Variants in PBX3 observed in about 807,000 individuals in gnomAD.
PBX3 encodes the protein PBX homeobox 3.
Under a neutral mutation model 48.5 loss-of-function variants are expected in PBX3, and 14 were observed. The observed-to-expected ratio is 0.29, with a 90% CI of 0.19 to 0.45. PBX3 has a LOEUF of 0.45. Ranked by LOEUF, PBX3 falls within the 20% of genes least tolerant of loss-of-function variation. The probability of loss-of-function intolerance (pLI) is 1.00; values close to 1 mark genes in which losing one functional copy is unlikely to be tolerated. For missense variants in PBX3, 386 were observed against 546.7 expected (o/e 0.71, Z 2.93); for synonymous variants, 210 against 200.3 (o/e 1.05, Z -0.41).
At chr9:125,772,021 G>T (rs1836952544) in intron 2 of PBX3, among the ~76,000 whole-genome samples, 1 of 152,146 alleles carries the variant, frequency 6.6e-6, no homozygotes, top group African/African-American at 2.4e-5. Context: ...GAGGTAGGTA[G>T]GTGGTAGATA....
At position 125,850,044 on chromosome 9, in the gene PBX3, T is replaced by G. The variant is rs537983365; in HGVS notation, c.275-65642T>G. Among the ~76,000 whole-genome samples, 11 of 152,174 alleles carry G rather than the reference T, an allele frequency of 7.2e-5. No individual in the cohort carries two copies. In the East Asian group the frequency reaches 1.9e-3, roughly 27 times the overall value. ...GGCTTTTCAAGTCATTAACTCACTT[T>G]TTAAAAAGTCCTTAAATATATATTT... is the stretch of plus-strand genomic sequence containing the variant. On this transcript the variant is annotated intron_variant, in intron 2 of 8. Coordinates refer to ENST00000373489, the MANE Select transcript of PBX3 (RefSeq NM_006195.6).
intron 2 of PBX3, among the ~76,000 whole-genome samples, chr9:125,840,650 T>C (rs1839264940): frequency 6.6e-6 from 1 of 152,042 alleles, no homozygotes; most frequent in Non-Finnish European, 1.5e-5. Context: ...TCTATATCTT[T>C]CTATATCAAG....
At chr9:125,910,196 T>C (rs1027354533) in intron 2 of PBX3, among the ~76,000 whole-genome samples, 2 of 152,174 alleles carry the variant, frequency 1.3e-5, no homozygotes, top group Non-Finnish European at 2.9e-5. Context: ...TTTAGGAAGG[T>C]AGATTTGGGC....
At position 125,878,180 on chromosome 9, in the gene PBX3, G is replaced by A. The variant is rs551132409; in HGVS notation, c.275-37506G>A. On this transcript the variant is annotated intron_variant, in intron 2 of 8. Coordinates refer to ENST00000373489, the MANE Select transcript of PBX3 (RefSeq NM_006195.6). Reference sequence around the variant, plus strand: ...TTCTGGAGAGAAGTCATTAGTTAACGCAGCTCAAGGATTTGTCTGAGAAGA... The same window carrying A: ...TTCTGGAGAGAAGTCATTAGTTAACACAGCTCAAGGATTTGTCTGAGAAGA... Among the ~76,000 whole-genome samples the A allele has an allele frequency of 3.3e-5, 5 of 152,262 alleles. No homozygotes were observed. In the South Asian group the frequency reaches 6.2e-4, roughly 19 times the overall value.
At chr9:125,779,199 G>A (rs1788682500) in intron 2 of PBX3, among the ~76,000 whole-genome samples, 1 of 132,366 alleles carries the variant, frequency 7.6e-6, no homozygotes, top group Admixed American at 7.6e-5. Context: ...TCAGCATAAT[G>A]TTTTCAAGGT....
At chr9:125,847,100 A>C (rs1839444936) in intron 2 of PBX3, among the ~76,000 whole-genome samples, 1 of 151,946 alleles carries the variant, frequency 6.6e-6, no homozygotes, top group South Asian at 2.1e-4. Context: ...TCCTGGAAGA[A>C]TTGCTTCATA....
chr9:125,840,847 T>A (rs145200527), intron 2 of PBX3, among the ~76,000 whole-genome samples: 1 of 152,042 alleles, frequency 6.6e-6, no homozygotes, highest in African/African-American at 2.4e-5. Context: ...GTAAAGAGAG[T>A]CCAGGGTAAG....
At chr9:125,773,506 G>A (rs2132008278) in intron 2 of PBX3, among the ~76,000 whole-genome samples, 1 of 152,290 alleles carries the variant, frequency 6.6e-6, no homozygotes, top group Middle Eastern at 3.4e-3. Flanking sequence ...GTTGCCTCCA[G>A]GAAATTGTGA....
At chr9:125,819,534 GA>G (rs71492457) in intron 2 of PBX3, among the ~76,000 whole-genome samples, 4 of 150,304 alleles carry the variant, frequency 2.7e-5, no homozygotes, top group Non-Finnish European at 4.4e-5. Context: ...TCAAAAAAAA[GA>G]AAAAAAAATT....
At chr9:125,769,546 C>G (rs1436239481) in intron 2 of PBX3, among the ~76,000 whole-genome samples, 1 of 152,178 alleles carries the variant, frequency 6.6e-6, no homozygotes, top group African/African-American at 2.4e-5. Context: ...CTAAAGGCAA[C>G]AGAATATATC....
chr9:125,768,679 G>A (rs1311300765), intron 2 of PBX3, among the ~76,000 whole-genome samples: 1 of 152,172 alleles, frequency 6.6e-6, no homozygotes, highest in Admixed American at 6.5e-5. Flanking sequence ...CATTCAGTCT[G>A]TCATCATATG....
intron 2 of PBX3, among the ~76,000 whole-genome samples, chr9:125,904,794 C>T (rs1841031649): frequency 6.6e-6 from 1 of 151,714 alleles, no homozygotes; most frequent in Admixed American, 6.6e-5. Flanking sequence ...CTTTAATGAG[C>T]CTGTGTGAAG....
At chr9:125,957,668 C>G (rs1842338256) in intron 5 of PBX3, among the ~76,000 whole-genome samples, 1 of 152,144 alleles carries the variant, frequency 6.6e-6, no homozygotes, top group Admixed American at 6.5e-5. Context: ...CTCTGATTGT[C>G]AAGGTAATAT....
chr9:125,925,437 GTCTT>G (rs1057409800), intron 3 of PBX3, among the ~76,000 whole-genome samples: 4 of 151,720 alleles, frequency 2.6e-5, no homozygotes, highest in Non-Finnish European at 5.9e-5. Flanking sequence ...CAGTTTTTTT[GTCTT>G]TCTTTGTTTC....
intron 5 of PBX3, among the ~76,000 whole-genome samples, chr9:125,953,210 T>C (rs1421694592): frequency 6.6e-6 from 1 of 152,024 alleles, no homozygotes; most frequent in Non-Finnish European, 1.5e-5. Flanking sequence ...CCAGGCATGG[T>C]GGGGCAGTAG....
At chr9:125,790,984 G>T (rs1222917969) in intron 2 of PBX3, among the ~76,000 whole-genome samples, 1 of 151,494 alleles carries the variant, frequency 6.6e-6, no homozygotes, top group Non-Finnish European at 1.5e-5. Flanking sequence ...TGCAACCTTG[G>T]CTCACTGCAA....
intron 2 of PBX3, among the ~76,000 whole-genome samples, chr9:125,828,320 A>T (rs1045208476): frequency 3.3e-5 from 5 of 152,214 alleles, no homozygotes; most frequent in African/African-American, 1.2e-4. Context: ...AATGGTTTAT[A>T]TAGAAATGCT....
intron 5 of PBX3, among the ~76,000 whole-genome samples, chr9:125,958,595 G>T (rs1320193324): frequency 6.6e-6 from 1 of 152,214 alleles, no homozygotes; most frequent in African/African-American, 2.4e-5. Flanking sequence ...CGGGGATATT[G>T]TGAGGTAGTG....
intron 5 of PBX3, among the ~76,000 whole-genome samples, chr9:125,948,838 TTC>T (rs1333851521): frequency 6.6e-5 from 10 of 151,974 alleles, no homozygotes; most frequent in African/African-American, 2.4e-4. Context: ...AGACTGAAAA[TTC>T]AATTCAATCT....
Sources: allele counts gnomAD v4.1 joint callset (sites outside exome capture counted in the v4.1 genomes callset), GRCh38; gene constraint gnomAD v4.1.1; transcripts MANE v1.5; gene names NCBI Gene and HGNC (gene_info 2026-07-23, HGNC 2026-07-21).